Variants in RGS21 observed in about 807,000 individuals in gnomAD.
RGS21 encodes the protein regulator of G protein signaling 21, also known as regulator of G-protein signalling 21.
Under a neutral mutation model 18.7 loss-of-function variants are expected in RGS21, and 19 were observed. The ratio of observed to expected loss-of-function variants is 1.01; its 90% confidence interval spans 0.71 to 1.49. The LOEUF (loss-of-function observed/expected upper bound fraction) is 1.49. Among genes scored for constraint, RGS21 ranks in the 40% most tolerant of loss-of-function variants. RGS21 has a pLI of 0.00. For synonymous variants in RGS21, 56 were observed against 57.8 expected (o/e 0.97, Z 0.14); for missense variants, 194 against 176.8 (o/e 1.10, Z -0.55).
chr1:192,330,258 G>A (rs1277046269), intron 1 of RGS21, among the ~76,000 whole-genome samples: 2 of 152,150 alleles, frequency 1.3e-5, no homozygotes, highest in Non-Finnish European at 2.9e-5. Context: ...GATCAGAGAT[G>A]GGAAATCATG....
intron 3 of RGS21, among the ~76,000 whole-genome samples, chr1:192,348,617 G>A (rs564726993): frequency 1.3e-5 from 2 of 151,962 alleles, no homozygotes; most frequent in African/African-American, 4.8e-5. Flanking sequence ...AAACATCCTA[G>A]TCTTTAATAA....
chr1:192,351,990 G>A (rs1659048789), intron 3 of RGS21, 57 bp from the exon 4 acceptor site: 14 of 932,334 alleles, frequency 1.5e-5, no homozygotes, highest in Non-Finnish European at 2.2e-5. Flanking sequence ...TACTCATTTT[G>A]GTCATATTAC....
intron 4 of RGS21, among the ~76,000 whole-genome samples, chr1:192,362,120 C>T (rs185270282): frequency 1.2e-3 from 187 of 152,146 alleles, no homozygotes; most frequent in Non-Finnish European, 2.3e-3. Context: ...AAGTTGATTT[C>T]AAAATAACAT....
At chr1:192,361,950 A>C (rs1659192722) in intron 4 of RGS21, among the ~76,000 whole-genome samples, 1 of 152,176 alleles carries the variant, frequency 6.6e-6, no homozygotes, top group Non-Finnish European at 1.5e-5. Flanking sequence ...TATTCAACTT[A>C]AGGTAAATGA....
At position 192,359,655 on chromosome 1, in the gene RGS21, G is replaced by GTATATATATATATATATATA. The variant is rs10638712; in HGVS notation, c.256-6262_256-6243dup. Among the ~76,000 whole-genome samples, 298 of 124,172 alleles carry GTATATATATATATATATATA rather than the reference G, an allele frequency of 2.4e-3. 1 individual carries two copies. The highest frequency in any genetic ancestry group is 6.4e-3 in the African/African-American group (216 of 33,542). The allele number at this position is 124,172 out of a possible 152,430, so 81.5% of individuals were successfully genotyped here. A position where few individuals can be genotyped will look rare whatever the true frequency, so the allele number is the denominator to read the frequency against. ...TATATATGTTTATATGTGTGTGTGT[G>GTATATATATATATATATATA]TATATATATATATATATATATATTC... On this transcript the variant is annotated intron_variant, in intron 4 of 4. Transcript: ENST00000417209.
At chr1:192,330,941 G>A (rs1658637831) in intron 1 of RGS21, among the ~76,000 whole-genome samples, 1 of 152,158 alleles carries the variant, frequency 6.6e-6, no homozygotes, top group Non-Finnish European at 1.5e-5. Flanking sequence ...GTGTATCTGT[G>A]CAATAGTTGG....
At chr1:192,330,737 T>C (rs944202628) in intron 1 of RGS21, among the ~76,000 whole-genome samples, 17 of 152,214 alleles carry the variant, frequency 1.1e-4, no homozygotes, top group African/African-American at 4.1e-4. Context: ...TAGATAAATG[T>C]GAGCGATATC....
Position 192,366,371 on chromosome 1 carries a change from T to C in RGS21, c.*247T>C, listed in dbSNP as rs543981302. ...AGTTTATAGAGATACAATATAGTCT[T>C]AAACCAAAACTGAATATTCTTATTA... On this transcript the variant is annotated 3_prime_UTR_variant, in exon 5 of 5. Coordinates refer to ENST00000417209, the MANE Select transcript of RGS21 (RefSeq NM_001039152.3). The C allele has an allele frequency of 2.9e-6, 1 of 344,180 alleles. No homozygotes were observed. Among genetic ancestry groups the C allele is most frequent in the Admixed American group, 4.7e-5 (1 of 21,470 alleles). The allele number at this position is 344,180 out of a possible 1,614,324, so 21.3% of individuals were successfully genotyped here. A position where few individuals can be genotyped will look rare whatever the true frequency, so the allele number is the denominator to read the frequency against.
chr1:192,359,703 G>T (rs1659161192), intron 4 of RGS21, among the ~76,000 whole-genome samples: 1 of 137,230 alleles, frequency 7.3e-6, no homozygotes, highest in Non-Finnish European at 1.6e-5. Flanking sequence ...CCATGTGCAA[G>T]TCTCCTCTTT....
chr1:192,319,738 A>T (rs1307269060), intron 1 of RGS21, among the ~76,000 whole-genome samples: 3 of 152,082 alleles, frequency 2.0e-5, no homozygotes, highest in Admixed American at 6.6e-5. Context: ...GATAAAATTG[A>T]TTTTTTGACA....
intron 4 of RGS21, among the ~76,000 whole-genome samples, chr1:192,358,829 T>C (rs1001272468): frequency 6.6e-6 from 1 of 152,130 alleles, no homozygotes; most frequent in Non-Finnish European, 1.5e-5. Context: ...ACTGCTGGTG[T>C]AGAGAAAATA....
chr1:192,329,741 G>C (rs1191853624), intron 1 of RGS21, among the ~76,000 whole-genome samples: 1 of 148,926 alleles, frequency 6.7e-6, no homozygotes, highest in Non-Finnish European at 1.5e-5. Context: ...TGAGAAAAGG[G>C]GGTCAGCATA....
intron 1 of RGS21, among the ~76,000 whole-genome samples, chr1:192,333,362 T>C (rs986910968): frequency 1.3e-5 from 2 of 151,538 alleles, no homozygotes; most frequent in Admixed American, 6.6e-5. Flanking sequence ...ATAAAATGTA[T>C]GTCTATACAA....
intron 2 of RGS21, 106 bp downstream of exon 2, chr1:192,343,153 G>T: frequency 9.5e-7 from 1 of 1,051,176 alleles, no homozygotes. Flanking sequence ...TGATAAATAC[G>T]CTAATTGTTG....
intron 3 of RGS21, among the ~76,000 whole-genome samples, chr1:192,350,592 A>C (rs531976301): frequency 1.3e-5 from 2 of 152,256 alleles, no homozygotes; most frequent in South Asian, 4.2e-4. Flanking sequence ...AAAACCACCA[A>C]CGTTCTGGAA....
intron 1 of RGS21, among the ~76,000 whole-genome samples, chr1:192,333,844 T>G (rs1170549663): frequency 6.6e-6 from 1 of 152,128 alleles, no homozygotes; most frequent in Non-Finnish European, 1.5e-5. Flanking sequence ...ACTGGTTTGT[T>G]ACTGCACTAT....
chr1:192,324,648 TCA>T (rs3077775), intron 1 of RGS21, among the ~76,000 whole-genome samples: 72,707 of 151,252 alleles, frequency 0.48, 18,540 homozygotes, highest in African/African-American at 0.64. Flanking sequence ...ATTTTGGCAT[TCA>T]CACACACACA....
intron 4 of RGS21, among the ~76,000 whole-genome samples, chr1:192,359,780 C>A (rs146165396): frequency 0.055 from 7,772 of 140,262 alleles, 327 homozygotes; most frequent in African/African-American, 0.12. Flanking sequence ...CTCTCTCTCT[C>A]TCTATATATA....
chr1:192,358,487 C>A (rs955939696), intron 4 of RGS21, among the ~76,000 whole-genome samples: 1 of 151,866 alleles, frequency 6.6e-6, no homozygotes, highest in Admixed American at 6.6e-5. Context: ...AATTAGGTAA[C>A]CAAAAATATG....
Sources: gnomAD v4.1 joint callset for allele counts (sites outside exome capture counted in the v4.1 genomes callset) on GRCh38, gnomAD v4.1.1 for gene constraint, MANE v1.5 for transcripts, NCBI Gene and HGNC (gene_info 2026-07-23, HGNC 2026-07-21) for gene names.